TENM3: variants seen among roughly 807,000 people sequenced by gnomAD.
The protein encoded by TENM3 is teneurin transmembrane protein 3.
In TENM3, 63 loss-of-function variants were observed where a neutral mutation model predicts 255.1. The observed-to-expected ratio is 0.25, with a 90% CI of 0.20 to 0.30. The LOEUF is 0.30. TENM3 is among the 10% of genes least tolerant of loss of function. TENM3 has a pLI of 1.00. For synonymous variants in TENM3, 1,306 were observed against 1,322.3 expected, an observed-to-expected ratio of 0.99 and a Z score of 0.27; for missense variants, 2,929 against 3,461.1, an observed-to-expected ratio of 0.85 and a Z score of 3.86.
At chr4:181,529,271 T>C in the TENM3 span, among the ~76,000 whole-genome samples, 6 of 152,250 alleles carry the variant, frequency 3.9e-5, no homozygotes, top group Non-Finnish European at 7.4e-5. Flanking sequence ...TGAGAAATGG[T>C]ACAGACAAGG....
chr4:182,403,420 T>G (rs902873760), intron 3 of TENM3, among the ~76,000 whole-genome samples: 1 of 152,242 alleles, frequency 6.6e-6, no homozygotes, highest in Middle Eastern at 3.2e-3. Context: ...TGATGCACTA[T>G]ATCTTAACTC....
chr4:182,095,813 A>G, the TENM3 span, among the ~76,000 whole-genome samples: 2 of 152,224 alleles, frequency 1.3e-5, no homozygotes, highest in African/African-American at 4.8e-5. Context: ...ATGCTTGTAT[A>G]AAAATTTCAC....
chr4:182,096,711 A>G, the TENM3 span, among the ~76,000 whole-genome samples: 1 of 152,180 alleles, frequency 6.6e-6, no homozygotes, highest in African/African-American at 2.4e-5. Flanking sequence ...TGCCAAAGGG[A>G]TCAAACCTGG....
At chr4:181,515,912 AC>A in the TENM3 span, among the ~76,000 whole-genome samples, 3 of 152,060 alleles carry the variant, frequency 2.0e-5, no homozygotes, top group East Asian at 5.8e-4. Context: ...TCACTGCAGC[AC>A]TCTTCACAAT....
chr4:181,540,176 C>T, the TENM3 span, among the ~76,000 whole-genome samples: 1 of 152,070 alleles, frequency 6.6e-6, no homozygotes, highest in Admixed American at 6.6e-5. Context: ...ATTACAGGAG[C>T]CAACTGAAAG....
At chr4:182,735,139 T>C (rs1242959113) in intron 16 of TENM3, among the ~76,000 whole-genome samples, 1 of 152,186 alleles carries the variant, frequency 6.6e-6, no homozygotes, top group Non-Finnish European at 1.5e-5. Context: ...TTAAATTTAA[T>C]GGTTTCCCTG....
the TENM3 span, among the ~76,000 whole-genome samples, chr4:181,488,416 T>C: frequency 6.6e-6 from 1 of 152,182 alleles, no homozygotes; most frequent in Non-Finnish European, 1.5e-5. Flanking sequence ...CTGTGGGGAT[T>C]TGAAACAAAC....
the TENM3 span, among the ~76,000 whole-genome samples, chr4:181,692,973 G>A: frequency 2.0e-5 from 3 of 152,084 alleles, no homozygotes; most frequent in Admixed American, 1.3e-4. Flanking sequence ...ACTGTGAAGG[G>A]GAATTCTGGA....
chr4:181,696,918 T>C, the TENM3 span, among the ~76,000 whole-genome samples: 3 of 152,130 alleles, frequency 2.0e-5, no homozygotes, highest in African/African-American at 7.2e-5. Flanking sequence ...GGCATGCCAG[T>C]GAACAGGAGG....
In TENM3 at chr4:182,659,367, A is replaced by G. The variant is rs185320429; in HGVS notation, c.1111+5474A>G. On this transcript the variant is annotated intron_variant, in intron 6 of 27. Coordinates refer to ENST00000511685, the MANE Select transcript of TENM3 (RefSeq NM_001080477.4). ...ATTCACTTAACTTTCATTGCAGTAT[A>G]TTGTTATAATTGTTCTATTAGTATC... 3.8e-3 allele frequency among the ~76,000 whole-genome samples: 576 copies of G among 152,134 alleles called. 1 individual carries two copies. Among genetic ancestry groups the G allele is most frequent in the African/African-American group, 0.013 (545 of 41,466 alleles).
At chr4:181,631,643 A>G in the TENM3 span, among the ~76,000 whole-genome samples, 1 of 152,072 alleles carries the variant, frequency 6.6e-6, no homozygotes, top group Non-Finnish European at 1.5e-5. Flanking sequence ...CACCCAAGAC[A>G]TTCTTCTTTT....
chr4:181,825,981 G>A, the TENM3 span, among the ~76,000 whole-genome samples: 1 of 152,138 alleles, frequency 6.6e-6, no homozygotes, highest in Non-Finnish European at 1.5e-5. Flanking sequence ...CCTAGCGCAG[G>A]ACCAACACTT....
chr4:182,274,413 T>C (rs1308923807), intron 1 of TENM3, among the ~76,000 whole-genome samples: 4 of 152,122 alleles, frequency 2.6e-5, no homozygotes, highest in African/African-American at 4.8e-5. Context: ...AGGAGCGATA[T>C]AGTGTTTGGC....
chr4:181,665,944 A>C, the TENM3 span, among the ~76,000 whole-genome samples: 1 of 152,134 alleles, frequency 6.6e-6, no homozygotes, highest in Non-Finnish European at 1.5e-5. Context: ...AAAAAAACTT[A>C]CACCTATATA....
the TENM3 span, among the ~76,000 whole-genome samples, chr4:181,602,251 C>A: frequency 6.6e-6 from 1 of 152,192 alleles, no homozygotes; most frequent in African/African-American, 2.4e-5. Flanking sequence ...ACTCCCACAG[C>A]AACATTTAAA....
rs371417813 is a variant in TENM3 at position 182,714,255 on chromosome 4, C to T, written c.2368+22C>T. On this transcript the variant is annotated intron_variant, in intron 13 of 27. Coordinates refer to ENST00000511685, the MANE Select transcript of TENM3 (RefSeq NM_001080477.4). ...GGAGGTAAGAAATACTGAGCATGAACACGAGTCTGTGCCAGAGCACAGGTT... is the reference window on the plus strand; with the variant it reads ...GGAGGTAAGAAATACTGAGCATGAATACGAGTCTGTGCCAGAGCACAGGTT... The T allele has an allele frequency of 1.1e-4, 169 of 1,526,022 alleles. 1 individual carries two copies. In the African/African-American group the frequency reaches 2.2e-3, roughly 20 times the overall value. The allele number at this position is 1,526,022 out of a possible 1,614,324, so 94.5% of individuals were successfully genotyped here. A position where few individuals can be genotyped will look rare whatever the true frequency, so the allele number is the denominator to read the frequency against.
rs548460459 is a variant in TENM3, at chr4:182,330,530, G to C, written c.232+6278G>C. Among the ~76,000 whole-genome samples the C allele has an allele frequency of 2.0e-5, 3 of 152,316 alleles. No homozygotes were observed. The East Asian group carries it at 5.8e-4, about 29-fold the overall frequency. On this transcript the variant is annotated intron_variant, in intron 2 of 27. Coordinates refer to ENST00000511685, the MANE Select transcript of TENM3 (RefSeq NM_001080477.4). ...AGGGGAAAGTGAGAGTGGCCTTCCTGCTTCTGCTGTTTTCTCAAATGCCAA... is the reference window on the plus strand; with the variant it reads ...AGGGGAAAGTGAGAGTGGCCTTCCTCCTTCTGCTGTTTTCTCAAATGCCAA...
chr4:181,508,704 C>A, the TENM3 span, among the ~76,000 whole-genome samples: 1 of 151,916 alleles, frequency 6.6e-6, no homozygotes, highest in Admixed American at 6.6e-5. Flanking sequence ...CCAAATACGG[C>A]TGGATCCCCT....
intron 3 of TENM3, among the ~76,000 whole-genome samples, chr4:182,405,683 CCCA>C (rs1264670942): frequency 6.6e-6 from 1 of 152,064 alleles, no homozygotes; most frequent in African/African-American, 2.4e-5. Flanking sequence ...ATTGTGGATT[CCCA>C]GGAGAGCAGT....
Sources: allele counts gnomAD v4.1 joint callset (sites outside exome capture counted in the v4.1 genomes callset), GRCh38; gene constraint gnomAD v4.1.1; transcripts MANE v1.5; gene names NCBI Gene and HGNC (gene_info 2026-07-23, HGNC 2026-07-21).